LRRC4C: variants seen among roughly 807,000 people sequenced by gnomAD.
LRRC4C encodes the protein leucine-rich repeat-containing protein 4C.
Under a neutral mutation model 33.6 loss-of-function variants are expected in LRRC4C, and 5 were observed. The ratio of observed to expected loss-of-function variants is 0.15; its 90% CI spans 0.08 to 0.31. The LOEUF (loss-of-function observed/expected upper bound fraction) is 0.31, where lower values mean the gene tolerates loss of function less well. Ranked by LOEUF, LRRC4C falls within the 10% of genes least tolerant of loss-of-function variation. The pLI, the probability that LRRC4C is intolerant of heterozygous loss-of-function variation, is 1.00. For missense variants in LRRC4C, 560 were observed against 796.7 expected (o/e 0.70, Z 3.58); for synonymous variants, 329 against 302.0 (o/e 1.09, Z -0.93).
intron 3 of LRRC4C, among the ~76,000 whole-genome samples, chr11:40,443,950 G>A (rs1436359854): frequency 1.3e-5 from 2 of 152,106 alleles, no homozygotes; most frequent in African/African-American, 4.8e-5. Flanking sequence ...ATGTAAGTTA[G>A]GGAATTCACA....
At chr11:41,332,230 T>C (rs16935613) in intron 1 of LRRC4C, among the ~76,000 whole-genome samples, 3,819 of 152,282 alleles carry the variant, frequency 0.025, 149 homozygotes, top group African/African-American at 0.086. Context: ...TTAAGCTTGA[T>C]GAATAATTTC....
intron 1 of LRRC4C, among the ~76,000 whole-genome samples, chr11:41,365,553 C>T (rs553132561): frequency 6.6e-6 from 1 of 152,188 alleles, no homozygotes; most frequent in African/African-American, 2.4e-5. Context: ...TGTGTTACTT[C>T]CTTGTTCTTA....
intron 3 of LRRC4C, among the ~76,000 whole-genome samples, chr11:40,532,830 G>A (rs1184654991): frequency 6.6e-6 from 1 of 152,126 alleles, no homozygotes; most frequent in East Asian, 1.9e-4. Flanking sequence ...ACAAAGGAAA[G>A]AGGTTTAACT....
chr11:40,411,609 T>G (rs1950158530), intron 3 of LRRC4C, among the ~76,000 whole-genome samples: 1 of 152,036 alleles, frequency 6.6e-6, no homozygotes, highest in South Asian at 2.1e-4. Flanking sequence ...GAATACAAAA[T>G]GTGTATAAAT....
chr11:41,032,498 G>C (rs765591576), intron 1 of LRRC4C, among the ~76,000 whole-genome samples: 1 of 151,706 alleles, frequency 6.6e-6, no homozygotes, highest in Non-Finnish European at 1.5e-5. Context: ...TTTCTACTGT[G>C]ATAAAAATTG....
At chr11:41,223,204 G>C (rs1309497179) in intron 1 of LRRC4C, among the ~76,000 whole-genome samples, 2 of 152,118 alleles carry the variant, frequency 1.3e-5, no homozygotes, top group African/African-American at 4.8e-5. Flanking sequence ...GAGACATAGA[G>C]AGTCATTGTT....
intron 1 of LRRC4C, among the ~76,000 whole-genome samples, chr11:41,009,794 T>C (rs951816038): frequency 6.6e-6 from 1 of 152,162 alleles, no homozygotes; most frequent in Non-Finnish European, 1.5e-5. Flanking sequence ...ATCTCTATTA[T>C]GGGTTGAATT....
intron 1 of LRRC4C, among the ~76,000 whole-genome samples, chr11:41,048,385 C>G (rs1484909942): frequency 6.6e-6 from 1 of 151,468 alleles, no homozygotes; most frequent in African/African-American, 2.4e-5. Context: ...CTGCCTCAGC[C>G]TCCTGAGTAG....
At chr11:41,416,246 C>T (rs1242290054) in intron 1 of LRRC4C, among the ~76,000 whole-genome samples, 5 of 152,016 alleles carry the variant, frequency 3.3e-5, no homozygotes, top group Non-Finnish European at 7.4e-5. Context: ...CTCACACTTC[C>T]CACCGTTTTA....
At chr11:41,448,450 C>T (rs1168994427) in intron 1 of LRRC4C, among the ~76,000 whole-genome samples, 2 of 151,570 alleles carry the variant, frequency 1.3e-5, no homozygotes, top group Non-Finnish European at 2.9e-5. Context: ...GGATTACAGG[C>T]ACCTGCCACC....
chr11:40,402,201 G>A (rs1394242009), intron 3 of LRRC4C, among the ~76,000 whole-genome samples: 1 of 152,052 alleles, frequency 6.6e-6, no homozygotes, highest in East Asian at 1.9e-4. Flanking sequence ...ATTTCATTGT[G>A]TGTTTGTATT....
At chr11:41,411,562 T>C (rs1954491876) in intron 1 of LRRC4C, among the ~76,000 whole-genome samples, 1 of 152,080 alleles carries the variant, frequency 6.6e-6, no homozygotes, top group African/African-American at 2.4e-5. Flanking sequence ...TTCAGATAAA[T>C]CCATGTGAAA....
At chr11:40,479,314 C>T (rs1442587694) in intron 3 of LRRC4C, among the ~76,000 whole-genome samples, 1 of 152,002 alleles carries the variant, frequency 6.6e-6, no homozygotes, top group African/African-American at 2.4e-5. Flanking sequence ...ATTCAAGTAA[C>T]CTTCAAAAAG....
intron 3 of LRRC4C, among the ~76,000 whole-genome samples, chr11:40,634,317 C>T (rs572145089): frequency 6.6e-6 from 1 of 152,052 alleles, no homozygotes; most frequent in South Asian, 2.1e-4. Context: ...ATACTGTAAC[C>T]TCATTTATAT....
At chr11:41,248,327 A>G (rs569746462) in intron 1 of LRRC4C, among the ~76,000 whole-genome samples, 75 of 152,300 alleles carry the variant, frequency 4.9e-4, no homozygotes, top group Admixed American at 3.7e-3. Context: ...CATTCCTAGC[A>G]GGCCTTCACC....
At chr11:41,363,621 A>C (rs946929985) in intron 1 of LRRC4C, among the ~76,000 whole-genome samples, 1 of 152,218 alleles carries the variant, frequency 6.6e-6, no homozygotes, top group Non-Finnish European at 1.5e-5. Flanking sequence ...GCTTCCCTTC[A>C]AAAACATTTT....
In LRRC4C at chr11:40,585,289, C is replaced by G. The variant is rs1001966246; in HGVS notation, c.-270+62853G>C. Among the ~76,000 whole-genome samples the G allele has an allele frequency of 2.6e-5, 4 of 152,138 alleles. No homozygotes were observed. The East Asian group carries it at 7.8e-4, about 29-fold the overall frequency. ...CTTCCTCTGCCCACCCTACATCACT[C>G]TGGCATCTCCTAAAATGCTAGATGT... is the stretch of plus-strand genomic sequence containing the variant. On this transcript the variant is annotated intron_variant, in intron 3 of 6. Transcript: ENST00000528697.
intron 3 of LRRC4C, among the ~76,000 whole-genome samples, chr11:40,513,636 A>C (rs1052940469): frequency 5.3e-5 from 8 of 152,176 alleles, no homozygotes; most frequent in African/African-American, 1.9e-4. Flanking sequence ...GACCTCTCTG[A>C]TGCAGTGTGG....
At chr11:40,784,706 A>T (rs1251412483) in intron 2 of LRRC4C, among the ~76,000 whole-genome samples, 1 of 152,216 alleles carries the variant, frequency 6.6e-6, no homozygotes, top group East Asian at 1.9e-4. Flanking sequence ...ATCATAGCAC[A>T]TGCTGCAGTC....
Sources: allele counts gnomAD v4.1 joint callset (sites outside exome capture counted in the v4.1 genomes callset), GRCh38; gene constraint gnomAD v4.1.1; transcripts MANE v1.5; gene names NCBI Gene and HGNC (gene_info 2026-07-23, HGNC 2026-07-21).